PARP14: variants seen among roughly 807,000 people sequenced by gnomAD.
PARP14 encodes the protein protein mono-ADP-ribosyltransferase PARP14.
A neutral mutation model predicts 154.2 loss-of-function variants in PARP14; 59 were observed. The observed-to-expected ratio is 0.38, with a 90% CI of 0.31 to 0.48. PARP14 has a LOEUF of 0.48. Among genes scored for constraint, PARP14 ranks in the 20% least tolerant of loss-of-function variants. PARP14 has a pLI of 0.98. For missense variants in PARP14, 1,734 were observed against 2,131.6 expected, an observed-to-expected ratio of 0.81 and a Z score of 3.67; for synonymous variants, 720 against 780.5, an observed-to-expected ratio of 0.92 and a Z score of 1.29.
rs1034008412 is a variant in PARP14, at chr3:122,681,164, G to C, written c.187+94G>C. The C allele has an allele frequency of 6.1e-6, 3 of 488,264 alleles. No homozygotes were observed. In the African/African-American group the frequency reaches 6.3e-5, roughly 10 times the overall value. 30.2% of individuals were successfully genotyped at this position (488,264 alleles called of 1,614,324 possible). On this transcript the variant is annotated intron_variant, in intron 1 of 16. Transcript: ENST00000474629. This position sits in a 1 kb window ranked among gnomAD's most constrained non-coding sequence, Gnocchi z 5.5. ...GCACGCACGGGAGGGTGACCCGCCC[G>C]ACTTCGGCGGCTGCTGTAGCGGAGG... is the stretch of plus-strand genomic sequence containing the variant.
Position 122,699,731 on chromosome 3 carries a change from A to G in PARP14, c.1177A>G (p.Ser393Gly), listed in dbSNP as rs1312936723. 2 of 1,613,952 alleles carry G rather than the reference A, an allele frequency of 1.2e-6. No homozygotes were observed. Among genetic ancestry groups the G allele is most frequent in the South Asian group, 2.2e-5 (2 of 91,086 alleles). ...WQADTSTTLS[S>G]IRSKYKVNPI... is the part of the protein sequence containing the mutation. ...GGCAGATACTTCCACAACACTCTCT[A>G]GCATCAGGTCTAAATATAAAGTCAA... The change falls in exon 6 of 17, where the codon AGC (serine) becomes GGC (glycine). Residue 393 changes from serine to glycine, a missense_variant. Physicochemically the swap from Ser to Gly is moderately conservative, Grantham distance 56. Around this residue, in one of 2 missense-constraint regions of PARP14, gnomAD observed 1,646 missense variants for 1,976.0 expected, o/e 0.83. Coordinates refer to ENST00000474629, the MANE Select transcript of PARP14 (RefSeq NM_017554.3).
At chr3:122,725,039 T>C (rs920132209) in intron 15 of PARP14, among the ~76,000 whole-genome samples, 3 of 152,226 alleles carry the variant, frequency 2.0e-5, no homozygotes, top group Non-Finnish European at 4.4e-5. Flanking sequence ...GAGTCTCCTA[T>C]GTCTACTTCT....
intron 8 of PARP14, among the ~76,000 whole-genome samples, chr3:122,705,765 A>G (rs1308232573): frequency 6.6e-6 from 1 of 152,228 alleles, no homozygotes; most frequent in Non-Finnish European, 1.5e-5. Flanking sequence ...TTTTTCTGTG[A>G]TGCTAGATAC....
intron 3 of PARP14, among the ~76,000 whole-genome samples, chr3:122,687,463 T>A (rs571733732): frequency 6.6e-6 from 1 of 152,120 alleles, no homozygotes; most frequent in African/African-American, 2.4e-5. Context: ...TCCAAGGGAG[T>A]CACATGTGGC....
chr3:122,694,666 C>T (rs1005546745), intron 4 of PARP14, among the ~76,000 whole-genome samples: 3 of 152,212 alleles, frequency 2.0e-5, no homozygotes, highest in Middle Eastern at 3.4e-3. Context: ...ACTACAGGCG[C>T]GCACAACCAT....
At position 122,729,898 on chromosome 3, in the gene PARP14, T is replaced by G. The variant is rs907914092; in HGVS notation, c.*1301T>G. On this transcript the variant is annotated 3_prime_UTR_variant, in exon 17 of 17. Coordinates refer to ENST00000474629, the MANE Select transcript of PARP14 (RefSeq NM_017554.3). ...AGCGTTTGATGATTTTAAAGCCTTATGTATAAATAAACCAAAGGAAGTAAG... is the reference window on the plus strand; with the variant it reads ...AGCGTTTGATGATTTTAAAGCCTTAGGTATAAATAAACCAAAGGAAGTAAG... 1.3e-5 allele frequency: 2 copies of G among 152,228 alleles called. No homozygotes were observed. Among genetic ancestry groups the G allele is most frequent in the Admixed American group, 6.5e-5 (1 of 15,282 alleles). 9.4% of individuals were successfully genotyped at this position (152,228 alleles called of 1,614,324 possible).
Position 122,680,853 on chromosome 3 carries a change from C to G in PARP14, c.-31C>G. 6.5e-7 allele frequency: 1 copy of G among 1,546,592 alleles called. No homozygotes were observed. On this transcript the variant is annotated 5_prime_UTR_variant, in exon 1 of 17. Coordinates refer to ENST00000474629, the MANE Select transcript of PARP14 (RefSeq NM_017554.3). ...GTTAGCGGCCCGGAGTTGGCGCGGC[C>G]CCTGCAGTCCGGCGGAGAGCGGAGC...
chr3:122,718,480 C>A lies in PARP14; in HGVS notation c.4329C>A (p.Ile1443=). 6.2e-7 allele frequency: 1 copy of A among 1,613,952 alleles called. No individual in the cohort carries two copies. Among genetic ancestry groups the A allele is most frequent in the Non-Finnish European group, 8.5e-7 (1 of 1,179,854 alleles). Residue 1443 remains isoleucine (I), a synonymous_variant, in exon 14 of 17, where the codon ATC becomes ATA. Transcript: ENST00000474629. ...GENVTCVEYA[I]SWLQDLIEKE... Reference sequence around the variant, plus strand: ...ATGTCACGTGTGTGGAATATGCTATCTCCTGGCTACAAGACCTGATTGAAA... The same window carrying A: ...ATGTCACGTGTGTGGAATATGCTATATCCTGGCTACAAGACCTGATTGAAA...
Position 122,728,769 on chromosome 3 carries a change from C to T in PARP14, c.*172C>T, listed in dbSNP as rs186733108. 6.8e-6 allele frequency: 4 copies of T among 591,902 alleles called. No individual in the cohort carries two copies. The highest frequency in any genetic ancestry group is 2.1e-5 in the South Asian group (1 of 46,570). 36.7% of individuals were successfully genotyped at this position (591,902 alleles called of 1,614,324 possible). ...GCTTCCCTTTCATAATGGAAATGAA[C>T]TTATTATCTTGAGAGCAAATAACTT... On this transcript the variant is annotated 3_prime_UTR_variant, in exon 17 of 17. Coordinates refer to ENST00000474629, the MANE Select transcript of PARP14 (RefSeq NM_017554.3).
chr3:122,693,001 C>T (rs1269360686), intron 4 of PARP14, among the ~76,000 whole-genome samples: 1 of 152,210 alleles, frequency 6.6e-6, no homozygotes, highest in East Asian at 1.9e-4. Context: ...CTATGCCAGC[C>T]TCTTTACGTG....
At chr3:122,715,595 CATCTATCTATCTATCTATCTATCTATCT>C (rs56863397) in intron 12 of PARP14, among the ~76,000 whole-genome samples, 1,664 of 142,578 alleles carry the variant, frequency 0.012, 13 homozygotes, top group South Asian at 0.034. Context: ...CTCTACCAGT[CATCTATCTATCTATCTATCTATCTATCT>C]ATCTATCTAT....
Position 122,700,944 on chromosome 3 carries a change from T to G in PARP14, c.2390T>G (p.Val797Gly), listed in dbSNP as rs1938946924. 3.7e-6 allele frequency: 6 copies of G among 1,613,942 alleles called. No homozygotes were observed. In the East Asian group the frequency reaches 1.1e-4, roughly 30 times the overall value. ...PAGQKCFSRTVLAPGVVLIVQ... is the reference protein window; with the variant it reads ...PAGQKCFSRTGLAPGVVLIVQ... ...GGGCAGAAGTGCTTCTCTCGGACAG[T>G]CTTGGCCCCTGGCGTTGTGCTGATT... Residue 797 changes from valine to glycine, a missense_variant, in exon 6 of 17, where the codon GTC becomes GGC. Coordinates refer to ENST00000474629, the MANE Select transcript of PARP14 (RefSeq NM_017554.3).
At chr3:122,683,126 G>A (rs142371103) in intron 1 of PARP14, among the ~76,000 whole-genome samples, 1 of 152,266 alleles carries the variant, frequency 6.6e-6, no homozygotes, top group East Asian at 1.9e-4. Flanking sequence ...TATGGTCTAA[G>A]TTCTTGGGGG....
At chr3:122,712,700 T>C (rs146242896) in intron 9 of PARP14, among the ~76,000 whole-genome samples, 18 of 152,120 alleles carry the variant, frequency 1.2e-4, no homozygotes, top group Non-Finnish European at 8.8e-5. Context: ...ACTACAGTTG[T>C]GCACCACCAT....
In PARP14 at chr3:122,700,624, G is replaced by T. The variant is rs1360665085; in HGVS notation, c.2070G>T (p.Lys690Asn). The T allele has an allele frequency of 6.2e-7, 1 of 1,603,272 alleles. No individual in the cohort carries two copies. Among genetic ancestry groups the T allele is most frequent in the South Asian group, 1.1e-5 (1 of 89,154 alleles). Residue 690 changes from lysine (K) to asparagine (N), a missense_variant, in exon 6 of 17, where the codon AAG becomes AAT. By Grantham distance (94) the Lys-to-Asn change is moderately conservative. Around this residue, in one of 2 missense-constraint regions of PARP14, gnomAD observed 1,646 missense variants for 1,976.0 expected, o/e 0.83. Coordinates refer to ENST00000474629, the MANE Select transcript of PARP14 (RefSeq NM_017554.3). ...SLVIDYLKTE[K>N]KLFWPKIKKV... Reference sequence around the variant, plus strand: ...TTATTGACTATTTAAAGACAGAAAAGAAGCTATTCTGGCCAAAGATAAAGA... The same window carrying T: ...TTATTGACTATTTAAAGACAGAAAATAAGCTATTCTGGCCAAAGATAAAGA...
At chr3:122,699,309 C>T in intron 5 of PARP14, 81 bp from the exon 6 acceptor site, 10 of 784,860 alleles carry the variant, frequency 1.3e-5, no homozygotes, top group South Asian at 2.8e-5. Flanking sequence ...TTTTTTTTCT[C>T]TAAAATAGGA....
intron 8 of PARP14, among the ~76,000 whole-genome samples, chr3:122,705,498 T>G (rs1939126933): frequency 2.0e-5 from 3 of 152,178 alleles, no homozygotes; most frequent in Non-Finnish European, 4.4e-5. Context: ...ACACCAGAAC[T>G]ATCATCAATC....
At chr3:122,704,914 A>C (rs1939104491) in intron 8 of PARP14, among the ~76,000 whole-genome samples, 166 bp downstream of exon 8, 1 of 152,188 alleles carries the variant, frequency 6.6e-6, no homozygotes, top group African/African-American at 2.4e-5. Flanking sequence ...ATTTTAAGAA[A>C]AGTTACAGAT....
chr3:122,724,719 A>AG (rs1374538521), intron 15 of PARP14, among the ~76,000 whole-genome samples: 1 of 150,712 alleles, frequency 6.6e-6, no homozygotes, highest in Non-Finnish European at 1.5e-5. Context: ...GCAGGGTCAT[A>AG]GGATAATAGT....
Sources: gnomAD v4.1 joint callset for allele counts (sites outside exome capture counted in the v4.1 genomes callset) on GRCh38, gnomAD v4.1.1 for gene constraint, gnomAD v4.1.1 regional missense constraint, Gnocchi (gnomAD v3.1) non-coding constraint, MANE v1.5 for transcripts, NCBI Gene and HGNC (gene_info 2026-07-23, HGNC 2026-07-21) for gene names.